Variants in BCR observed in about 807,000 individuals in gnomAD.
BCR encodes BCR activator of RhoGEF and GTPase.
A neutral mutation model predicts 138.6 loss-of-function variants in BCR; 58 were observed. That is an observed-to-expected ratio of 0.42 (90% CI 0.34 to 0.52). The LOEUF (loss-of-function observed/expected upper bound fraction) is 0.52. Among genes scored for constraint, BCR ranks in the 20% least tolerant of loss-of-function variants. The pLI is 0.06. For synonymous variants in BCR, 786 were observed against 730.1 expected (o/e 1.08, Z -1.23); for missense variants, 1,599 against 1,727.2 (o/e 0.93, Z 1.32).
chr22:23,252,344 G>GGGCAGGT (rs963171814), intron 1 of BCR, among the ~76,000 whole-genome samples: 2 of 152,134 alleles, frequency 1.3e-5, no homozygotes, highest in African/African-American at 4.8e-5. Context: ...CAGACCCCAT[G>GGGCAGGT]GGCAGGTGTG....
intron 1 of BCR, among the ~76,000 whole-genome samples, chr22:23,204,349 AATG>A (rs2072587870): frequency 6.6e-6 from 1 of 152,124 alleles, no homozygotes; most frequent in South Asian, 2.1e-4. Context: ...CCTGTCCGTA[AATG>A]ATGAAGCTGA....
chr22:23,208,763 G>T (rs1009482241), intron 1 of BCR, among the ~76,000 whole-genome samples: 1 of 152,176 alleles, frequency 6.6e-6, no homozygotes, highest in South Asian at 2.1e-4. Context: ...GCTGAGGCAG[G>T]AGAATCGCTT....
Position 23,237,451 on chromosome 22 carries a change from G to A in BCR, c.1280-16348G>A, listed in dbSNP as rs537823951. Among the ~76,000 whole-genome samples the A allele has an allele frequency of 3.3e-5, 5 of 152,348 alleles. No homozygotes were observed. In the East Asian group the frequency reaches 5.8e-4, roughly 18 times the overall value. On this transcript the variant is annotated intron_variant, in intron 1 of 22. Transcript: ENST00000305877. ...CACAATGACAGCTGGGATTATCACC[G>A]TGGGTGGTAATTCCCACATGACAGT...
At position 23,316,192 on chromosome 22, in the gene BCR, AGGACCCCCAGGGAG is replaced by A. The variant is rs2074070041; in HGVS notation, c.*674_*687del. 2 of 164,676 alleles carry A rather than the reference AGGACCCCCAGGGAG, an allele frequency of 1.2e-5. No individual in the cohort carries two copies. The highest frequency in any genetic ancestry group is 2.2e-5 in the Non-Finnish European group (2 of 90,364). The allele number at this position is 164,676 out of a possible 1,614,324, so 10.2% of individuals were successfully genotyped here. A position where few individuals can be genotyped will look rare whatever the true frequency, so the allele number is the denominator to read the frequency against. ...GAAGGCCTGTGAAATGTCAGGGGAC[AGGACCCCCAGGGAG>A]GGAACCCCAGGCTACGCACTTTAGG... On this transcript the variant is annotated 3_prime_UTR_variant, in exon 23 of 23. Transcript: ENST00000305877.
At chr22:23,204,957 A>G (rs989167191) in intron 1 of BCR, among the ~76,000 whole-genome samples, 2 of 152,216 alleles carry the variant, frequency 1.3e-5, no homozygotes, top group African/African-American at 2.4e-5. Flanking sequence ...TGAGGCCAGC[A>G]CTGAGATGAG....
chr22:23,232,650 C>T (rs1249963479), intron 1 of BCR, among the ~76,000 whole-genome samples: 1 of 152,226 alleles, frequency 6.6e-6, no homozygotes, highest in African/African-American at 2.4e-5. Flanking sequence ...CTGGGATGCT[C>T]ACTGGCTTCT....
rs891962003 is a variant in BCR at position 23,268,181 on chromosome 22, G to A, written c.1753-227G>A. On this transcript the variant is annotated intron_variant, in intron 4 of 22. Coordinates refer to ENST00000305877, the MANE Select transcript of BCR (RefSeq NM_004327.4). ...GGAAGGGAACTGTTACCTGCCTGGC[G>A]CCGTGAGTCACTTCTCAGCATGTCA... 1.4e-4 allele frequency among the ~76,000 whole-genome samples: 21 copies of A among 152,334 alleles called. No homozygotes were observed. In the South Asian group the frequency reaches 3.9e-3, roughly 29 times the overall value.
intron 3 of BCR, 130 bp downstream of exon 3, chr22:23,261,184 C>A (rs2073352111): frequency 1.3e-5 from 16 of 1,199,792 alleles, no homozygotes; most frequent in South Asian, 9.5e-5. Flanking sequence ...GGAGTGGATA[C>A]CAGTGGAAGA....
chr22:23,237,337 C>T (rs1030812488), intron 1 of BCR, among the ~76,000 whole-genome samples: 6 of 152,168 alleles, frequency 3.9e-5, no homozygotes, highest in Non-Finnish European at 8.8e-5. Context: ...TCCCACGGCC[C>T]CCTGGGGAAG....
intron 16 of BCR, among the ~76,000 whole-genome samples, chr22:23,295,919 G>A (rs548541350): frequency 6.6e-6 from 1 of 152,100 alleles, no homozygotes; most frequent in Non-Finnish European, 1.5e-5. Flanking sequence ...CATTATATCA[G>A]TGGGTTGTGG....
At chr22:23,266,000 A>T (rs1377231577) in intron 4 of BCR, among the ~76,000 whole-genome samples, 3 of 152,084 alleles carry the variant, frequency 2.0e-5, no homozygotes, top group Non-Finnish European at 2.9e-5. Context: ...AGATCATGTT[A>T]TGTACTTGGT....
intron 8 of BCR, among the ~76,000 whole-genome samples, chr22:23,279,247 C>T (rs2073614296): frequency 6.6e-6 from 1 of 152,200 alleles, no homozygotes; most frequent in African/African-American, 2.4e-5. Flanking sequence ...TCTCTCAGGG[C>T]ATAGGAAACT....
At chr22:23,298,528 TCCTTCCTTC>T (rs150814587) in intron 16 of BCR, among the ~76,000 whole-genome samples, 18,331 of 151,280 alleles carry the variant, frequency 0.12, 1,393 homozygotes, top group African/African-American at 0.21. Context: ...TTCCTTCCCT[TCCTTCCTTC>T]CCTTCCTTCC....
intron 1 of BCR, among the ~76,000 whole-genome samples, chr22:23,244,153 G>A (rs968435564): frequency 2.6e-5 from 4 of 152,134 alleles, no homozygotes; most frequent in South Asian, 4.2e-4. Context: ...TAGGACACCC[G>A]GCTGGTGTCC....
chr22:23,259,056 G>C (rs1430928002), intron 2 of BCR, among the ~76,000 whole-genome samples: 1 of 152,276 alleles, frequency 6.6e-6, no homozygotes, highest in Non-Finnish European at 1.5e-5. Flanking sequence ...CATGGGCATG[G>C]CCAGCCTCCA....
At chr22:23,260,531 G>A (rs973029898) in intron 2 of BCR, among the ~76,000 whole-genome samples, 2 of 152,178 alleles carry the variant, frequency 1.3e-5, no homozygotes, top group Non-Finnish European at 2.9e-5. Context: ...AGTGGGGAGT[G>A]GAGTTTGGCT....
intron 1 of BCR, among the ~76,000 whole-genome samples, chr22:23,240,848 C>T (rs1259676999): frequency 6.6e-6 from 1 of 152,124 alleles, no homozygotes; most frequent in African/African-American, 2.4e-5. Flanking sequence ...CCCCTCCTGT[C>T]CAGCACCTCA....
At position 23,253,920 on chromosome 22, in the gene BCR, C is replaced by T. The variant is rs748687790; in HGVS notation, c.1401C>T (p.Ser467=). ...CGCCCTCCTCATCGCCCCACCTCAG[C>T]AGCAAGGGCAGGGGCAGCCGGGATG... The part of the protein sequence containing the change: ...DDSPSSSPHL[S]SKGRGSRDAL... Residue 467 remains serine (S), a synonymous_variant, in exon 2 of 23, where the codon AGC becomes AGT. Coordinates refer to ENST00000305877, the MANE Select transcript of BCR (RefSeq NM_004327.4). The T allele has an allele frequency of 2.5e-6, 4 of 1,613,032 alleles. 1 individual carries two copies. Among genetic ancestry groups the T allele is most frequent in the East Asian group, 2.2e-5 (1 of 44,852 alleles).
chr22:23,183,726 A>G (rs1157347911), intron 1 of BCR, among the ~76,000 whole-genome samples: 1 of 152,228 alleles, frequency 6.6e-6, no homozygotes, highest in African/African-American at 2.4e-5. Context: ...GTTATTAATA[A>G]AGAAGAAAAT....
Sources: allele counts gnomAD v4.1 joint callset (sites outside exome capture counted in the v4.1 genomes callset), GRCh38; gene constraint gnomAD v4.1.1; transcripts MANE v1.5; gene names NCBI Gene and HGNC (gene_info 2026-07-23, HGNC 2026-07-21).